Variants in PCDHGB2 observed in about 807,000 individuals in gnomAD.
PCDHGB2 encodes protocadherin gamma subfamily B, 2.
A neutral mutation model predicts 59.3 loss-of-function variants in PCDHGB2; 55 were observed. The ratio of observed to expected loss-of-function variants is 0.93; its 90% CI spans 0.75 to 1.16. PCDHGB2 has a LOEUF of 1.16. Among genes scored for constraint, PCDHGB2 ranks in the 50% most tolerant of loss-of-function variants. PCDHGB2 has a pLI of 0.00. For missense variants in PCDHGB2, 1,228 were observed against 1,198.5 expected, an observed-to-expected ratio of 1.02 and a Z score of -0.36; for synonymous variants, 516 against 512.0, an observed-to-expected ratio of 1.01 and a Z score of -0.11.
chr5:141,455,107 C>T (rs1027661420), intron 1 of PCDHGB2, among the ~76,000 whole-genome samples: 20 of 151,774 alleles, frequency 1.3e-4, no homozygotes, highest in Non-Finnish European at 2.4e-4. Context: ...CCACTGCGCC[C>T]GGTGGGTCTA....
chr5:141,366,657 C>T, intron 1 of PCDHGB2: 1 of 1,614,248 alleles, frequency 6.2e-7, no homozygotes. Flanking sequence ...CCCAACTACG[C>T]AGACACGCTC....
At chr5:141,423,977 G>A in intron 1 of PCDHGB2, 4 of 1,121,548 alleles carry the variant, frequency 3.6e-6, no homozygotes, top group Non-Finnish European at 4.4e-6. Context: ...ATCAGTGTAT[G>A]AGGCTCTCAA....
intron 1 of PCDHGB2, among the ~76,000 whole-genome samples, chr5:141,451,062 T>C (rs1292296274): frequency 1.3e-5 from 2 of 151,500 alleles, no homozygotes; most frequent in Non-Finnish European, 2.9e-5. Flanking sequence ...ACTCCTGACC[T>C]TGTGATCCAC....
rs755936344 is a variant in PCDHGB2, at chr5:141,490,704, C to T, written c.2422-4103C>T. ...ATCCAGACACTGGGGATAATGCCCG[C>T]CTCACCTACTCCATTGTAGGAAATC... On this transcript the variant is annotated intron_variant, in intron 1 of 3. Transcript: ENST00000522605. The surrounding 1 kb of genome is among the most constrained non-coding windows in gnomAD (Gnocchi z 5.4). 6.2e-7 allele frequency: 1 copy of T among 1,614,166 alleles called. No homozygotes were observed.
In PCDHGB2 at chr5:141,399,169, C is replaced by G. The variant is rs371809310; in HGVS notation, c.2421+36613C>G. On this transcript the variant is annotated intron_variant, in intron 1 of 3. Transcript: ENST00000522605. ...TAGCCCAGAAGTTACATTCCATTCT[C>G]TACTTGAAATGATTCTGGAAAACGC... 2.4e-5 allele frequency: 38 copies of G among 1,613,632 alleles called. No individual in the cohort carries two copies. In the African/African-American group the frequency reaches 4.0e-4, roughly 17 times the overall value.
intron 3 of PCDHGB2, among the ~76,000 whole-genome samples, chr5:141,505,999 G>A (rs891447053): frequency 1.3e-5 from 2 of 152,172 alleles, no homozygotes; most frequent in African/African-American, 4.8e-5. Flanking sequence ...TTTATGCGAG[G>A]CTCCTCTTTT....
chr5:141,448,211 T>TA (rs2098575794), intron 1 of PCDHGB2, among the ~76,000 whole-genome samples: 1 of 152,212 alleles, frequency 6.6e-6, no homozygotes, highest in East Asian at 1.9e-4. Flanking sequence ...TTTCTGTGTG[T>TA]ATGCGAATGT....
intron 1 of PCDHGB2, chr5:141,387,690 C>A: frequency 1.2e-6 from 1 of 833,028 alleles, no homozygotes; most frequent in Non-Finnish European, 1.8e-6. Context: ...AGCCGCAGCG[C>A]GCTTTCCAGG....
intron 1 of PCDHGB2, chr5:141,409,190 C>T (rs868189970): frequency 6.2e-7 from 1 of 1,613,986 alleles, no homozygotes; most frequent in Non-Finnish European, 8.5e-7. Context: ...TCTCTCTACC[C>T]AGTGTAAAGT....
At chr5:141,456,731 G>A (rs1282690673) in intron 1 of PCDHGB2, among the ~76,000 whole-genome samples, 1 of 152,214 alleles carries the variant, frequency 6.6e-6, no homozygotes, top group Non-Finnish European at 1.5e-5. Flanking sequence ...TTGGGAGGCT[G>A]AGGCGGGAGC....
intron 1 of PCDHGB2, chr5:141,372,953 CTTTG>C: frequency 6.7e-6 from 5 of 745,132 alleles, no homozygotes; most frequent in South Asian, 2.1e-5. Context: ...CTAGGAAATT[CTTTG>C]TAGAATTTCC....
intron 1 of PCDHGB2, chr5:141,428,659 G>A: frequency 6.1e-6 from 1 of 164,982 alleles, no homozygotes; most frequent in East Asian, 1.8e-4. Context: ...GAGTTCCAAT[G>A]AATGTCTTTC....
At chr5:141,446,143 T>G (rs2098490523) in intron 1 of PCDHGB2, among the ~76,000 whole-genome samples, 1 of 152,204 alleles carries the variant, frequency 6.6e-6, no homozygotes, top group Admixed American at 6.5e-5. Flanking sequence ...AATAATGGAA[T>G]AGGTGGAATA....
In PCDHGB2 at chr5:141,490,347, G is replaced by T; in HGVS notation, c.2422-4460G>T. On this transcript the variant is annotated intron_variant, in intron 1 of 3. Coordinates refer to ENST00000522605, the MANE Select transcript of PCDHGB2 (RefSeq NM_018923.3). This position sits in a 1 kb window ranked among gnomAD's most constrained non-coding sequence, Gnocchi z 5.4. ...AGAGCACACCAGTGGGCACAGTAGT[G>T]GGGTTGTTTAATGTGCGAGACCGGG... 1 of 1,614,180 alleles carries T rather than the reference G, an allele frequency of 6.2e-7. No homozygotes were observed.
intron 1 of PCDHGB2, chr5:141,414,424 G>C (rs762669763): frequency 1.2e-6 from 2 of 1,613,846 alleles, no homozygotes; most frequent in Non-Finnish European, 1.7e-6. Context: ...CCTTGACAGG[G>C]AACAGGTATC....
At chr5:141,384,331 G>T (rs376216978) in intron 1 of PCDHGB2, 21 of 1,613,846 alleles carry the variant, frequency 1.3e-5, no homozygotes, top group African/African-American at 2.7e-5. Context: ...GACTGCACAG[G>T]ACCACGACAG....
At position 141,383,863 on chromosome 5, in the gene PCDHGB2, C is replaced by G. The variant is rs768251798; in HGVS notation, c.2421+21307C>G. ...CTTCTATGAAATGGAGGTTCAGGCT[C>G]AAGATGGTCCTGGTAGTCTGACAAA... On this transcript the variant is annotated intron_variant, in intron 1 of 3. Coordinates refer to ENST00000522605, the MANE Select transcript of PCDHGB2 (RefSeq NM_018923.3). 4.3e-6 allele frequency: 7 copies of G among 1,613,772 alleles called. No homozygotes were observed. Among genetic ancestry groups the G allele is most frequent in the African/African-American group, 2.7e-5 (2 of 74,914 alleles).
intron 1 of PCDHGB2, among the ~76,000 whole-genome samples, chr5:141,387,074 C>G (rs1268463514): frequency 6.6e-6 from 1 of 152,172 alleles, no homozygotes. Flanking sequence ...GAGTAGGCTA[C>G]TGCCTGTGAT....
intron 1 of PCDHGB2, among the ~76,000 whole-genome samples, chr5:141,405,781 A>G (rs913529807): frequency 2.6e-5 from 4 of 151,674 alleles, no homozygotes; most frequent in African/African-American, 7.3e-5. Context: ...CCTGGCCCTT[A>G]ACTTTCTATT....
Sources: gnomAD v4.1 joint callset for allele counts (sites outside exome capture counted in the v4.1 genomes callset) on GRCh38, gnomAD v4.1.1 for gene constraint, Gnocchi (gnomAD v3.1) non-coding constraint, MANE v1.5 for transcripts, NCBI Gene and HGNC (gene_info 2026-07-23, HGNC 2026-07-21) for gene names.